The following CNTNAP5 variants were observed in gnomAD, a reference collection of about 807,000 sequenced individuals.
The protein encoded by CNTNAP5 is contactin associated protein family member 5, also known as contactin-associated protein-like 5.
Under a neutral mutation model 150.2 loss-of-function variants are expected in CNTNAP5, and 72 were observed. That is an observed-to-expected ratio of 0.48 (90% CI 0.40 to 0.58). The LOEUF is 0.58. Ranked by LOEUF, CNTNAP5 falls within the 20% of genes least tolerant of loss-of-function variation. CNTNAP5 has a pLI of 0.00. For missense variants in CNTNAP5, 1,636 were observed against 1,626.2 expected, an observed-to-expected ratio of 1.01 and a Z score of -0.10; for synonymous variants, 672 against 619.8, an observed-to-expected ratio of 1.08 and a Z score of -1.25.
intron 17 of CNTNAP5, among the ~76,000 whole-genome samples, chr2:124,773,947 T>TGTGA (rs869292328): frequency 2.4e-4 from 29 of 121,058 alleles, no homozygotes; most frequent in African/African-American, 7.1e-4. Context: ...TGTGTGTGTG[T>TGTGA]GAGAGAGAGA....
At position 124,263,529 on chromosome 2, in the gene CNTNAP5, TTG is replaced by T. The variant is rs1336547464; in HGVS notation, c.381+21138_381+21139del. The stretch of plus-strand genomic sequence containing the variant: ...TTTCTTGTAAATTTGTTTGAGTTCT[TTG>T]TAGATTCTGGATGTTAGCCCTTTGT... On this transcript the variant is annotated intron_variant, in intron 3 of 23. Transcript: ENST00000682447. Among the ~76,000 whole-genome samples, 3 of 152,180 alleles carry T rather than the reference TTG, an allele frequency of 2.0e-5. No homozygotes were observed. In the East Asian group the frequency reaches 5.8e-4, roughly 29 times the overall value.
rs1410009886 is a variant in CNTNAP5 at position 124,504,471 on chromosome 2, G to A, written c.1242G>A (p.Ser414=). The change falls in exon 8 of 24, where the codon TCG becomes TCA. Residue 414 remains serine (S), a synonymous_variant. Transcript: ENST00000682447. ...TGTCCACAGAGCTGTCTGAGGGCTC[G>A]GGAACCCTGCTGCTGAGCCTGGAGG... ...LLLSTELSEG[S]GTLLLSLEGG... 3.1e-6 allele frequency: 5 copies of A among 1,613,744 alleles called. No individual in the cohort carries two copies. The highest frequency in any genetic ancestry group is 1.3e-5 in the African/African-American group (1 of 74,968).
chr2:124,646,118 T>C (rs899113634), intron 12 of CNTNAP5, among the ~76,000 whole-genome samples: 4 of 152,218 alleles, frequency 2.6e-5, no homozygotes, highest in African/African-American at 7.2e-5. Flanking sequence ...TTTTCTTTTA[T>C]AGAATTGGAA....
At chr2:124,570,758 T>C (rs1242942313) in intron 11 of CNTNAP5, among the ~76,000 whole-genome samples, 3 of 152,156 alleles carry the variant, frequency 2.0e-5, no homozygotes, top group Admixed American at 1.3e-4. Context: ...AGGGACCTGA[T>C]ATGAAAGGCA....
intron 13 of CNTNAP5, among the ~76,000 whole-genome samples, chr2:124,725,070 G>C (rs2105120561): frequency 6.6e-6 from 1 of 151,720 alleles, no homozygotes; most frequent in South Asian, 2.1e-4. Flanking sequence ...CTTCTGTACA[G>C]GGTCTCACAT....
chr2:124,838,303 C>T (rs1682870843), intron 19 of CNTNAP5, among the ~76,000 whole-genome samples: 2 of 151,986 alleles, frequency 1.3e-5, no homozygotes, highest in South Asian at 4.2e-4. Context: ...TTAGATTTTT[C>T]CAGGCTTTCA....
chr2:124,462,120 C>T (rs1693270477), intron 6 of CNTNAP5, among the ~76,000 whole-genome samples: 1 of 151,890 alleles, frequency 6.6e-6, no homozygotes, highest in African/African-American at 2.4e-5. Flanking sequence ...AAGAAGTCTC[C>T]AATCCCTATT....
At chr2:124,865,689 C>CA (rs1385383324) in intron 20 of CNTNAP5, among the ~76,000 whole-genome samples, 1 of 152,034 alleles carries the variant, frequency 6.6e-6, no homozygotes, top group Non-Finnish European at 1.5e-5. Context: ...CTCACACCTG[C>CA]AATCCCAGCA....
chr2:124,509,000 G>A (rs542275643), intron 8 of CNTNAP5, among the ~76,000 whole-genome samples: 3 of 152,238 alleles, frequency 2.0e-5, no homozygotes, highest in Non-Finnish European at 4.4e-5. Flanking sequence ...GAGAGTCAAC[G>A]GGGCTATACT....
chr2:124,706,746 CAAGAAGAAGAAGAAGAAGAAGAAG>C (rs747166844), intron 13 of CNTNAP5, among the ~76,000 whole-genome samples: 4 of 52,218 alleles, frequency 7.7e-5, no homozygotes, highest in South Asian at 1.1e-3. Context: ...GACTCTGTTT[CAAGAAGAAGAAGAAGAAGAAGAAG>C]AAGAAGAAGA....
chr2:124,274,635 C>A (rs1392987213), intron 3 of CNTNAP5, among the ~76,000 whole-genome samples: 2 of 152,150 alleles, frequency 1.3e-5, no homozygotes, highest in Non-Finnish European at 2.9e-5. Context: ...GAGTGGGACT[C>A]CAGACGTGCA....
At chr2:124,888,320 T>C (rs1476505501) in intron 21 of CNTNAP5, among the ~76,000 whole-genome samples, 1 of 152,166 alleles carries the variant, frequency 6.6e-6, no homozygotes, top group South Asian at 2.1e-4. Flanking sequence ...AGTGTATATG[T>C]ACCACATTTT....
chr2:124,322,942 A>G (rs1447437783), intron 3 of CNTNAP5, among the ~76,000 whole-genome samples: 5 of 152,236 alleles, frequency 3.3e-5, no homozygotes, highest in Non-Finnish European at 7.3e-5. Flanking sequence ...TCTGTAATAT[A>G]GAAATATTAA....
In CNTNAP5 at chr2:124,724,016, G is replaced by A. The variant is rs144296930; in HGVS notation, c.2078-23213G>A. On this transcript the variant is annotated intron_variant, in intron 13 of 23. Transcript: ENST00000682447. ...AAAAATTAGCTGAGTGTGATGGCAC[G>A]TGCCTGTAATCCCAGCTACTCGGGA... 5.3e-3 allele frequency among the ~76,000 whole-genome samples: 799 copies of A among 151,868 alleles called. 2 individuals are homozygous for A. The highest frequency in any genetic ancestry group is 9.3e-3 in the Non-Finnish European group (631 of 67,948).
At chr2:124,650,862 C>T (rs1274538038) in intron 13 of CNTNAP5, among the ~76,000 whole-genome samples, 1 of 152,088 alleles carries the variant, frequency 6.6e-6, no homozygotes, top group Admixed American at 6.6e-5. Context: ...CCATTTTTTT[C>T]TCTGTTACAC....
At chr2:124,358,885 G>C (rs1690106348) in intron 3 of CNTNAP5, among the ~76,000 whole-genome samples, 1 of 149,550 alleles carries the variant, frequency 6.7e-6, no homozygotes, top group African/African-American at 2.5e-5. Context: ...AATGGTACCA[G>C]TTCCTCCTTG....
intron 21 of CNTNAP5, among the ~76,000 whole-genome samples, chr2:124,886,584 A>C (rs185368500): frequency 1.1e-4 from 17 of 152,174 alleles, no homozygotes; most frequent in Admixed American, 3.9e-4. Flanking sequence ...AGAGAATTGA[A>C]ACCCAATTTG....
intron 3 of CNTNAP5, among the ~76,000 whole-genome samples, chr2:124,250,192 G>A (rs1687137334): frequency 6.6e-6 from 1 of 152,164 alleles, no homozygotes; most frequent in Non-Finnish European, 1.5e-5. Flanking sequence ...ATGTCCCACA[G>A]AACATGTCAA....
rs865913623 is a variant in CNTNAP5, at chr2:124,142,494, G to A, written c.83-79211G>A. Among the ~76,000 whole-genome samples, 690 of 146,758 alleles carry A rather than the reference G, an allele frequency of 4.7e-3. 4 individuals are homozygous for A. Among genetic ancestry groups the A allele is most frequent in the African/African-American group, 0.016 (635 of 39,830 alleles). ...CTCAGGATTAAGAATCTCACTCAAAGCCGCTCAACTACATGGAAACTGAAC... is the reference window on the plus strand; with the variant it reads ...CTCAGGATTAAGAATCTCACTCAAAACCGCTCAACTACATGGAAACTGAAC... On this transcript the variant is annotated intron_variant, in intron 1 of 23. Transcript: ENST00000682447.
Sources: gnomAD v4.1 joint callset for allele counts (sites outside exome capture counted in the v4.1 genomes callset) on GRCh38, gnomAD v4.1.1 for gene constraint, MANE v1.5 for transcripts, NCBI Gene and HGNC (gene_info 2026-07-23, HGNC 2026-07-21) for gene names.